The following ERC1 variants were observed in gnomAD, a reference collection of about 807,000 sequenced individuals.
The protein encoded by ERC1 is RAB6 interacting protein 2.
In ERC1, 56 loss-of-function variants were observed where a neutral mutation model predicts 132.0. That is an observed-to-expected ratio of 0.42 (90% confidence interval 0.34 to 0.53). The LOEUF is 0.53. ERC1 is among the 20% of genes least tolerant of loss of function. The pLI is 0.03. For synonymous variants in ERC1, 478 were observed against 476.1 expected, an observed-to-expected ratio of 1.00 and a Z score of -0.05; for missense variants, 1,202 against 1,349.9, an observed-to-expected ratio of 0.89 and a Z score of 1.72.
At chr12:1,219,453 G>A (rs1250673676) in intron 12 of ERC1, among the ~76,000 whole-genome samples, 2 of 151,892 alleles carry the variant, frequency 1.3e-5, no homozygotes. Context: ...TACTCCCTAC[G>A]TTAAATCTAT....
chr12:1,073,626 G>A (rs1593121382), intron 2 of ERC1, among the ~76,000 whole-genome samples: 1 of 150,142 alleles, frequency 6.7e-6, no homozygotes, highest in East Asian at 1.9e-4. Flanking sequence ...TCCAGCCTGG[G>A]CGACAGAGCG....
chr12:1,439,850 T>G (rs2093054056), intron 17 of ERC1, among the ~76,000 whole-genome samples: 1 of 152,346 alleles, frequency 6.6e-6, no homozygotes, highest in East Asian at 1.9e-4. Flanking sequence ...AGTTCTACCT[T>G]GTGGGAAACA....
chr12:1,075,440 C>T (rs1258570413), intron 2 of ERC1, among the ~76,000 whole-genome samples: 1 of 152,168 alleles, frequency 6.6e-6, no homozygotes, highest in Non-Finnish European at 1.5e-5. Context: ...TGCCTGTAAT[C>T]CCAGCTCTTT....
chr12:1,413,290 G>A (rs185853540), intron 17 of ERC1, among the ~76,000 whole-genome samples: 29 of 152,058 alleles, frequency 1.9e-4, no homozygotes, highest in Middle Eastern at 3.4e-3. Flanking sequence ...TCTCCTCTTG[G>A]CCTATAGAAA....
intron 15 of ERC1, among the ~76,000 whole-genome samples, chr12:1,350,482 A>G (rs1020697107): frequency 1.3e-5 from 2 of 152,168 alleles, no homozygotes; most frequent in African/African-American, 4.8e-5. Flanking sequence ...CCCAAGCCTC[A>G]TGATTTATTT....
intron 14 of ERC1, among the ~76,000 whole-genome samples, chr12:1,271,282 C>T (rs1023522965): frequency 1.3e-5 from 2 of 152,092 alleles, no homozygotes; most frequent in East Asian, 3.9e-4. Flanking sequence ...AGAGATTCCA[C>T]AGTGACAGTG....
chr12:1,394,272 C>A (rs544963718), intron 16 of ERC1, among the ~76,000 whole-genome samples: 4 of 151,188 alleles, frequency 2.6e-5, no homozygotes, highest in Admixed American at 6.6e-5. Flanking sequence ...TGGTGGCGGG[C>A]TCCTGTAGTC....
chr12:1,418,608 TTTCTTTCTTTC>T, intron 17 of ERC1, among the ~76,000 whole-genome samples: 1 of 100,462 alleles, frequency 1.0e-5, no homozygotes, highest in East Asian at 2.2e-4. Flanking sequence ...TCTTTCTTTC[TTTCTTTCTTTC>T]TTTCTTTCTT....
chr12:1,269,809 T>G (rs2154330233), intron 14 of ERC1, among the ~76,000 whole-genome samples: 1 of 152,278 alleles, frequency 6.6e-6, no homozygotes, highest in African/African-American at 2.4e-5. Context: ...GGTGTGCAGA[T>G]TCTCCTTTTT....
In ERC1 at chr12:1,389,421, A is replaced by G. The variant is rs1024428702; in HGVS notation, c.2925+17444A>G. On this transcript the variant is annotated intron_variant, in intron 16 of 18. Coordinates refer to ENST00000360905, the MANE Select transcript of ERC1 (RefSeq NM_178040.4). ...CTTACTTTTTACTGTTTTCTGACAC[A>G]TACTAAAATATTAACACAGGCCATT... 2.6e-5 allele frequency among the ~76,000 whole-genome samples: 4 copies of G among 152,234 alleles called. No homozygotes were observed. In the East Asian group the frequency reaches 7.7e-4, roughly 29 times the overall value.
chr12:1,202,909 A>G (rs1011725232), intron 12 of ERC1, among the ~76,000 whole-genome samples: 7 of 152,314 alleles, frequency 4.6e-5, no homozygotes, highest in East Asian at 3.9e-4. Context: ...ATTGGGAACA[A>G]TCATTTAGAG....
intron 4 of ERC1, among the ~76,000 whole-genome samples, chr12:1,108,365 A>G (rs1945486967): frequency 6.6e-6 from 1 of 152,120 alleles, no homozygotes; most frequent in Non-Finnish European, 1.5e-5. Flanking sequence ...CTGCCATGTG[A>G]TGTACAGAGT....
intron 3 of ERC1, 36 bp downstream of exon 3, chr12:1,083,616 G>A: frequency 6.6e-7 from 1 of 1,509,032 alleles, no homozygotes; most frequent in East Asian, 2.3e-5. Flanking sequence ...TGATTTGTTG[G>A]TTATCTTTTT....
chr12:1,365,463 T>C (rs995541499), intron 15 of ERC1, among the ~76,000 whole-genome samples: 2 of 152,138 alleles, frequency 1.3e-5, no homozygotes. Flanking sequence ...ATACATTCAT[T>C]ATGAGCCTAC....
At chr12:1,290,653 T>A (rs1380363027) in intron 15 of ERC1, among the ~76,000 whole-genome samples, 1 of 152,232 alleles carries the variant, frequency 6.6e-6, no homozygotes, top group East Asian at 1.9e-4. Flanking sequence ...AACATGTGTC[T>A]TTTGAAAATC....
At chr12:1,256,598 A>G (rs756043752) in intron 13 of ERC1, among the ~76,000 whole-genome samples, 1 of 150,668 alleles carries the variant, frequency 6.6e-6, no homozygotes, top group Non-Finnish European at 1.5e-5. Context: ...TGAACTATTT[A>G]TGAATACGTT....
intron 8 of ERC1, among the ~76,000 whole-genome samples, chr12:1,149,027 A>G (rs1950615386): frequency 1.3e-5 from 2 of 152,168 alleles, no homozygotes; most frequent in Non-Finnish European, 2.9e-5. Context: ...TTTGTGATGT[A>G]TTTCCAGCAC....
intron 2 of ERC1, among the ~76,000 whole-genome samples, chr12:1,037,312 T>A (rs1176488593): frequency 6.6e-6 from 1 of 152,264 alleles, no homozygotes; most frequent in Non-Finnish European, 1.5e-5. Flanking sequence ...AGAGATTTGC[T>A]AATTTACAGC....
chr12:1,160,979 A>G (rs77248530), intron 8 of ERC1, among the ~76,000 whole-genome samples: 2,086 of 152,330 alleles, frequency 0.014, 22 homozygotes, highest in Non-Finnish European at 0.019. Flanking sequence ...GTTCTAAGCA[A>G]TGTATGCACT....
Sources: allele counts gnomAD v4.1 joint callset (sites outside exome capture counted in the v4.1 genomes callset), GRCh38; gene constraint gnomAD v4.1.1; transcripts MANE v1.5; gene names NCBI Gene and HGNC (gene_info 2026-07-23, HGNC 2026-07-21).